The following JHY variants were observed in gnomAD, a reference collection of about 807,000 sequenced individuals.
JHY encodes jhy protein homolog.
In JHY, 69 loss-of-function variants were observed where a neutral mutation model predicts 78.0. The ratio of observed to expected loss-of-function variants is 0.88; its 90% CI spans 0.73 to 1.08. JHY has a LOEUF of 1.08. Ranked by LOEUF, JHY falls within the 50% of genes least tolerant of loss-of-function variation. The pLI, the probability that JHY is intolerant of heterozygous loss-of-function variation, is 0.00. For synonymous variants in JHY, 368 were observed against 342.6 expected, an observed-to-expected ratio of 1.07 and a Z score of -0.82; for missense variants, 944 against 927.8, an observed-to-expected ratio of 1.02 and a Z score of -0.23.
At chr11:122,937,140 G>C (rs565957005) in intron 5 of JHY, among the ~76,000 whole-genome samples, 2 of 151,374 alleles carry the variant, frequency 1.3e-5, no homozygotes. Context: ...TTCCTTTTAT[G>C]CTGTCTTAAA....
chr11:122,907,477 T>TG (rs1863016885), intron 3 of JHY, among the ~76,000 whole-genome samples: 1 of 152,106 alleles, frequency 6.6e-6, no homozygotes, highest in African/African-American at 2.4e-5. Flanking sequence ...GAAGTTTATA[T>TG]GGGGGGAATG....
At chr11:122,912,341 G>A (rs968747545) in intron 3 of JHY, among the ~76,000 whole-genome samples, 1 of 151,834 alleles carries the variant, frequency 6.6e-6, no homozygotes, top group Admixed American at 6.6e-5. Context: ...CTTGGGGAAG[G>A]TCTCTCTGAG....
At position 122,917,475 on chromosome 11, in the gene JHY, T is replaced by C. The variant is rs1450717875; in HGVS notation, c.865-7422T>C. On this transcript the variant is annotated intron_variant, in intron 3 of 8. Coordinates refer to ENST00000227349, the MANE Select transcript of JHY (RefSeq NM_024806.4). The surrounding 1 kb of genome is among the most constrained non-coding windows in gnomAD (Gnocchi z 4.1). ...GTTCCTTGGACCAGGAGCATCATCA[T>C]CACCTGGGAACTTAACACAAGTGGA... is the stretch of plus-strand genomic sequence containing the variant. Among the ~76,000 whole-genome samples, 1 of 152,208 alleles carries C rather than the reference T, an allele frequency of 6.6e-6. No individual in the cohort carries two copies. Among genetic ancestry groups the C allele is most frequent in the African/African-American group, 2.4e-5 (1 of 41,460 alleles).
At position 122,935,036 on chromosome 11, in the gene JHY, C is replaced by T; in HGVS notation, c.1595C>T (p.Pro532Leu). Residue 532 changes from proline to leucine, a missense_variant, in exon 5 of 9, where the codon CCT becomes CTT. By Grantham distance (98) the Pro-to-Leu change is moderately conservative. Transcript: ENST00000227349. The surrounding 1 kb of genome is among the most constrained non-coding windows in gnomAD (Gnocchi z 4.5). Reference sequence around the variant, plus strand: ...AAAAATAAGAAACAACTCAAACAGCCTTATACAGAGACAAAATACAGGAAC... The same window carrying T: ...AAAAATAAGAAACAACTCAAACAGCTTTATACAGAGACAAAATACAGGAAC... ...STKNKKQLKQ[P>L]YTETKYRNLE... is the part of the protein sequence containing the mutation. 2 of 1,589,498 alleles carry T rather than the reference C, an allele frequency of 1.3e-6. No individual in the cohort carries two copies. Among genetic ancestry groups the T allele is most frequent in the Non-Finnish European group, 1.7e-6 (2 of 1,171,394 alleles).
At chr11:122,901,475 CTTT>C (rs1211488353) in intron 2 of JHY, among the ~76,000 whole-genome samples, 1 of 149,358 alleles carries the variant, frequency 6.7e-6, no homozygotes, top group African/African-American at 2.5e-5. Flanking sequence ...TTTTTTTTTA[CTTT>C]TTAACTCTTT....
chr11:122,944,916 T>C (rs1324119696), intron 5 of JHY, among the ~76,000 whole-genome samples: 1 of 152,156 alleles, frequency 6.6e-6, no homozygotes, highest in African/African-American at 2.4e-5. Context: ...TGTAAGTGTT[T>C]CCTCTGGTTT....
chr11:122,909,606 C>G (rs996996758), intron 3 of JHY, among the ~76,000 whole-genome samples: 2 of 151,984 alleles, frequency 1.3e-5, no homozygotes, highest in African/African-American at 4.8e-5. Flanking sequence ...ATTGTGAAAC[C>G]CATGTATATT....
rs1345575985 is a variant in JHY at position 122,959,553 on chromosome 11, T to C, written c.*108T>C. 2 of 1,045,702 alleles carry C rather than the reference T, an allele frequency of 1.9e-6. No individual in the cohort carries two copies. Among genetic ancestry groups the C allele is most frequent in the Admixed American group, 5.3e-5 (2 of 37,498 alleles). 64.8% of individuals were successfully genotyped at this position (1,045,702 alleles called of 1,614,324 possible). On this transcript the variant is annotated 3_prime_UTR_variant, in exon 9 of 9. Coordinates refer to ENST00000227349, the MANE Select transcript of JHY (RefSeq NM_024806.4). ...AGAGTAATGGCCTATTATTATCATC[T>C]ATCTGCCGTCCATGTTTGCTTTCTG...
intron 3 of JHY, among the ~76,000 whole-genome samples, chr11:122,915,593 A>C (rs1248372220): frequency 6.6e-6 from 1 of 152,062 alleles, no homozygotes; most frequent in African/African-American, 2.4e-5. Context: ...GTTCACTGCA[A>C]CCTCTGCCTC....
intron 3 of JHY, among the ~76,000 whole-genome samples, chr11:122,905,010 C>T (rs1862955448): frequency 2.0e-5 from 3 of 151,798 alleles, no homozygotes; most frequent in Non-Finnish European, 2.9e-5. Context: ...TAGGGTACAA[C>T]ATAAGGTGGG....
At chr11:122,955,938 T>C (rs74654558) in intron 6 of JHY, among the ~76,000 whole-genome samples, 5,158 of 152,192 alleles carry the variant, frequency 0.034, 151 homozygotes, top group South Asian at 0.093. Flanking sequence ...TTTGGCCCAG[T>C]AAACTGTCTA....
chr11:122,905,657 C>T (rs558497540), intron 3 of JHY: 12 of 912,888 alleles, frequency 1.3e-5, no homozygotes, highest in Non-Finnish European at 1.6e-5. Context: ...CACTTGAGGC[C>T]ACGAGTTCAA....
rs757793609 is a variant in JHY, at chr11:122,959,442, A to G, written c.2334A>G (p.Val778=). 2.5e-6 allele frequency: 4 copies of G among 1,613,902 alleles called. No homozygotes were observed. The highest frequency in any genetic ancestry group is 2.7e-5 in the African/African-American group (2 of 74,930). Reference sequence around the variant, plus strand: ...CTGCTTTCAAAGTCCTTCACATCGTATAGACAACATTTGATAGGAAGGAGA... The same window carrying G: ...CTGCTTTCAAAGTCCTTCACATCGTGTAGACAACATTTGATAGGAAGGAGA... ...AVAAFKVLHI[V] Residue 778 remains valine, a synonymous_variant, in exon 9 of 9, where the codon GTA becomes GTG. Transcript: ENST00000227349.
rs1455632931 is a variant in JHY at position 122,955,268 on chromosome 11, C to T, written c.1930-1228C>T. Among the ~76,000 whole-genome samples the T allele has an allele frequency of 2.0e-5, 3 of 152,052 alleles. No individual in the cohort carries two copies. In the East Asian group the frequency reaches 5.8e-4, roughly 29 times the overall value. ...CCCGAGTAGCTGGGATTACAGGTGC[C>T]TGCCACCACGCCCACCTAATTTTTG... is the stretch of plus-strand genomic sequence containing the variant. On this transcript the variant is annotated intron_variant, in intron 6 of 8. Coordinates refer to ENST00000227349, the MANE Select transcript of JHY (RefSeq NM_024806.4).
chr11:122,934,313 C>CAAAT (rs36092881), intron 4 of JHY, 107 bp from the exon 5 acceptor site: 10,540 of 512,416 alleles, frequency 0.021, 239 homozygotes, highest in Admixed American at 0.1. Context: ...GACTCCGTCT[C>CAAAT]AAATAAATAA....
chr11:122,885,911 T>C lies in JHY; in HGVS notation c.62T>C (p.Leu21Ser), dbSNP rs1479339909. ...CAATCTCCTGTCCTTCATACCAACT[T>C]AAATGTCCAGTCCACACACCCACCT... ...SIQSPVLHTN[L>S]NVQSTHPPLK... is the part of the protein sequence containing the mutation. Residue 21 changes from leucine to serine, a missense_variant, in exon 2 of 9, where the codon TTA (leucine) becomes TCA (serine). By Grantham distance (145) the Leu-to-Ser change is moderately radical. Transcript: ENST00000227349. The C allele has an allele frequency of 1.9e-6, 3 of 1,614,146 alleles. No individual in the cohort carries two copies. The highest frequency in any genetic ancestry group is 1.7e-6 in the Non-Finnish European group (2 of 1,180,012).
chr11:122,905,961 A>G (rs1862982358), intron 3 of JHY: 1 of 152,166 alleles, frequency 6.6e-6, no homozygotes, highest in South Asian at 2.1e-4. Flanking sequence ...TAAAATTCAA[A>G]AAAAGAATTA....
rs1214726622 is a variant in JHY, at chr11:122,917,720, G to A, written c.865-7177G>A. On this transcript the variant is annotated intron_variant, in intron 3 of 8. Transcript: ENST00000227349. The surrounding 1 kb of genome is among the most constrained non-coding windows in gnomAD (Gnocchi z 4.1). The stretch of plus-strand genomic sequence containing the variant: ...AATGTGTGAGCTTTGTGATTTTTTT[G>A]TTTTTATCTCTAATGTGTCCATTCA... Among the ~76,000 whole-genome samples the A allele has an allele frequency of 1.3e-5, 2 of 151,962 alleles. No individual in the cohort carries two copies. The highest frequency in any genetic ancestry group is 6.6e-5 in the Admixed American group (1 of 15,248).
intron 5 of JHY, among the ~76,000 whole-genome samples, chr11:122,939,153 A>G (rs1863819230): frequency 2.0e-5 from 3 of 151,844 alleles, no homozygotes; most frequent in Admixed American, 6.6e-5. Flanking sequence ...ACGCCTGGCT[A>G]GTTTTTGGAT....
Sources: allele counts gnomAD v4.1 joint callset (sites outside exome capture counted in the v4.1 genomes callset), GRCh38; gene constraint gnomAD v4.1.1; non-coding constraint Gnocchi (gnomAD v3.1); transcripts MANE v1.5; gene names NCBI Gene and HGNC (gene_info 2026-07-23, HGNC 2026-07-21).